SOBP: variants seen among roughly 807,000 people sequenced by gnomAD.
SOBP encodes sine oculis binding protein homolog, also known as sine oculis-binding protein homolog.
Under a neutral mutation model 53.6 loss-of-function variants are expected in SOBP, and 4 were observed. That is an observed-to-expected ratio of 0.07 (90% confidence interval 0.04 to 0.17). The LOEUF is 0.17. SOBP is among the 10% of genes least tolerant of loss of function. SOBP has a pLI of 1.00. For synonymous variants in SOBP, 584 were observed against 522.6 expected, an observed-to-expected ratio of 1.12 and a Z score of -1.60; for missense variants, 1,088 against 1,204.7, an observed-to-expected ratio of 0.90 and a Z score of 1.43.
At chr6:107,516,733 A>G (rs1783332358) in intron 3 of SOBP, among the ~76,000 whole-genome samples, 1 of 152,200 alleles carries the variant, frequency 6.6e-6, no homozygotes, top group Non-Finnish European at 1.5e-5. Flanking sequence ...AGCCATAAAA[A>G]TTTCAAAAGT....
intron 5 of SOBP, among the ~76,000 whole-genome samples, chr6:107,622,661 A>G (rs1770232118): frequency 6.6e-6 from 1 of 152,226 alleles, no homozygotes; most frequent in South Asian, 2.1e-4. Context: ...GAACTAAAAT[A>G]TAAAATGACA....
intron 3 of SOBP, among the ~76,000 whole-genome samples, chr6:107,520,155 T>C (rs1783438816): frequency 6.6e-6 from 1 of 152,018 alleles, no homozygotes; most frequent in Non-Finnish European, 1.5e-5. Context: ...AATCCTCCTA[T>C]GGTAGGGGTA....
intron 5 of SOBP, among the ~76,000 whole-genome samples, chr6:107,590,759 A>G (rs889969071): frequency 2.0e-5 from 3 of 152,176 alleles, no homozygotes; most frequent in African/African-American, 7.2e-5. Context: ...ATGAGAAGAG[A>G]TGCTTAGGCT....
rs1782556925 is a variant in SOBP at position 107,490,703 on chromosome 6, G to A, written c.87G>A (p.Glu29=). The part of the protein sequence containing the change: ...PAHPVKREIN[E]EMKNFAENTM... The stretch of plus-strand genomic sequence containing the variant: ...ACCCAGTGAAAAGGGAGATCAATGA[G>A]GAGATGAAGGTATTTTTTGATCTCG... Residue 29 remains glutamate (E), a synonymous_variant, in exon 1 of 7, where the codon GAG becomes GAA. Coordinates refer to ENST00000317357, the MANE Select transcript of SOBP (RefSeq NM_018013.4). The A allele has an allele frequency of 1.2e-6, 2 of 1,602,678 alleles. No individual in the cohort carries two copies. Among genetic ancestry groups the A allele is most frequent in the African/African-American group, 1.3e-5 (1 of 74,760 alleles).
intron 6 of SOBP, among the ~76,000 whole-genome samples, chr6:107,657,173 T>C (rs958514852): frequency 6.6e-6 from 1 of 152,138 alleles, no homozygotes; most frequent in Non-Finnish European, 1.5e-5. Context: ...AAGTGGCTGC[T>C]CCCAGAACTG....
chr6:107,616,077 A>AGGG (rs1301217995), intron 5 of SOBP, among the ~76,000 whole-genome samples: 5 of 11,166 alleles, frequency 4.5e-4, no homozygotes, highest in African/African-American at 1.1e-3. Flanking sequence ...TCATTGAGGA[A>AGGG]GGGGGGTGGG....
chr6:107,610,293 T>G (rs1786542452), intron 5 of SOBP, among the ~76,000 whole-genome samples: 1 of 152,194 alleles, frequency 6.6e-6, no homozygotes, highest in Admixed American at 6.5e-5. Context: ...ACTGGCTGTC[T>G]TCCTTTCTGG....
At chr6:107,598,106 A>G (rs975496353) in intron 5 of SOBP, among the ~76,000 whole-genome samples, 3 of 152,214 alleles carry the variant, frequency 2.0e-5, no homozygotes, top group African/African-American at 4.8e-5. Context: ...CAGTGCAAAC[A>G]AAGTATAATG....
intron 3 of SOBP, among the ~76,000 whole-genome samples, chr6:107,526,246 C>T (rs1400101269): frequency 6.6e-6 from 1 of 152,140 alleles, no homozygotes; most frequent in East Asian, 1.9e-4. Flanking sequence ...GCCACAGTGC[C>T]CAGTCTGTCA....
intron 5 of SOBP, among the ~76,000 whole-genome samples, chr6:107,607,700 T>G (rs564421765): frequency 6.6e-6 from 1 of 152,330 alleles, no homozygotes; most frequent in South Asian, 2.1e-4. Flanking sequence ...GAGGTTGGGT[T>G]TTCTTGATTA....
intron 4 of SOBP, among the ~76,000 whole-genome samples, chr6:107,549,454 A>AG (rs1731342108): frequency 1.3e-5 from 2 of 151,056 alleles, no homozygotes; most frequent in African/African-American, 4.9e-5. Flanking sequence ...CTCAGGAAAA[A>AG]AAAAACCCTA....
In SOBP at chr6:107,535,613, TTGTGTG is replaced by T. The variant is rs561695029; in HGVS notation, c.573+2023_573+2028del. On this transcript the variant is annotated intron_variant, in intron 4 of 6. Coordinates refer to ENST00000317357, the MANE Select transcript of SOBP (RefSeq NM_018013.4). ...CAAAGCTCTGATGTGCTATGCCTTCTTGTGTGTGTGTGTGTGTGTGTGTGTTTTTTT... is the reference window on the plus strand; with the variant it reads ...CAAAGCTCTGATGTGCTATGCCTTCTTGTGTGTGTGTGTGTGTGTTTTTTT... Among the ~76,000 whole-genome samples the T allele has an allele frequency of 8.6e-3, 1,266 of 148,070 alleles. 13 individuals carry two copies. Among genetic ancestry groups the T allele is most frequent in the African/African-American group, 0.03 (1,172 of 39,726 alleles).
At chr6:107,529,559 T>C (rs1174412813) in intron 3 of SOBP, 3 of 985,336 alleles carry the variant, frequency 3.0e-6, no homozygotes, top group Admixed American at 6.1e-5. Flanking sequence ...ATCTACAGTT[T>C]AATTGCCTGG....
At chr6:107,596,197 C>T (rs1171305771) in intron 5 of SOBP, among the ~76,000 whole-genome samples, 1 of 152,140 alleles carries the variant, frequency 6.6e-6, no homozygotes, top group Non-Finnish European at 1.5e-5. Context: ...GCACTTTCCC[C>T]CCTAACATTT....
chr6:107,611,181 T>TC (rs1562099357), intron 5 of SOBP, among the ~76,000 whole-genome samples: 2 of 152,262 alleles, frequency 1.3e-5, no homozygotes, highest in African/African-American at 2.4e-5. Context: ...GGCGGAGGCC[T>TC]GTGCCAATAA....
At chr6:107,594,482 A>T in intron 5 of SOBP, among the ~76,000 whole-genome samples, 1 of 146,256 alleles carries the variant, frequency 6.8e-6, no homozygotes, top group Non-Finnish European at 1.5e-5. Flanking sequence ...ACTAAGCTTA[A>T]AAAAAAAAAA....
chr6:107,508,728 G>C (rs1031193392), intron 3 of SOBP, among the ~76,000 whole-genome samples: 3 of 152,118 alleles, frequency 2.0e-5, no homozygotes, highest in Non-Finnish European at 4.4e-5. Context: ...TTGTGCCCCT[G>C]TTCTCCTTTG....
chr6:107,630,143 G>A (rs940005378), intron 5 of SOBP, among the ~76,000 whole-genome samples: 2 of 152,164 alleles, frequency 1.3e-5, no homozygotes, highest in Non-Finnish European at 2.9e-5. Flanking sequence ...AAATTAGGGG[G>A]AAATCATTCC....
At chr6:107,493,537 G>A (rs1278459242) in intron 1 of SOBP, among the ~76,000 whole-genome samples, 1 of 152,210 alleles carries the variant, frequency 6.6e-6, no homozygotes, top group Non-Finnish European at 1.5e-5. Flanking sequence ...TTATCGTGGT[G>A]TACAGTGACC....
Sources: allele counts gnomAD v4.1 joint callset (sites outside exome capture counted in the v4.1 genomes callset), GRCh38; gene constraint gnomAD v4.1.1; transcripts MANE v1.5; gene names NCBI Gene and HGNC (gene_info 2026-07-23, HGNC 2026-07-21).